The following CARMIL1 variants were observed in gnomAD, a reference collection of about 807,000 sequenced individuals.
The protein encoded by CARMIL1 is F-actin-uncapping protein LRRC16A.
CARMIL1 carries 90 observed loss-of-function variants against 177.1 expected under a neutral mutation model. The ratio of observed to expected loss-of-function variants is 0.51; its 90% CI spans 0.43 to 0.61. CARMIL1 has a LOEUF of 0.61. Ranked by LOEUF, CARMIL1 falls within the 20% of genes least tolerant of loss-of-function variation. The pLI is 0.00. For missense variants in CARMIL1, 1,380 were observed against 1,667.0 expected (o/e 0.83, Z 3.00); for synonymous variants, 577 against 606.2 (o/e 0.95, Z 0.71).
chr6:25,458,681 G>A (rs1799747241), intron 8 of CARMIL1, among the ~76,000 whole-genome samples: 1 of 152,020 alleles, frequency 6.6e-6, no homozygotes, highest in African/African-American at 2.4e-5. Flanking sequence ...TTGGTGAGAT[G>A]ACAGCACAGT....
chr6:25,463,541 A>G (rs1174718240), intron 8 of CARMIL1, among the ~76,000 whole-genome samples: 1 of 152,254 alleles, frequency 6.6e-6, no homozygotes, highest in Non-Finnish European at 1.5e-5. Flanking sequence ...AGAATACACA[A>G]AAAGTGGTTC....
At chr6:25,612,987 C>G (rs1816621840) in intron 36 of CARMIL1, 1 of 729,772 alleles carries the variant, frequency 1.4e-6, no homozygotes, top group Admixed American at 6.3e-5. Context: ...GGGACTGGGT[C>G]AGGGATTAGT....
rs535572187 is a variant in CARMIL1 at position 25,342,672 on chromosome 6, A to G, written c.138+57763A>G. Among the ~76,000 whole-genome samples the G allele has an allele frequency of 9.2e-5, 14 of 152,204 alleles. No homozygotes were observed. In the East Asian group the frequency reaches 1.2e-3, roughly 13 times the overall value. On this transcript the variant is annotated intron_variant, in intron 2 of 36. Transcript: ENST00000329474. ...CTAGCACCTCCCAACTCATGACCAA[A>G]AAGTTTCATTTTCATCTTATTTTTC...
chr6:25,461,877 T>C (rs868123594), intron 8 of CARMIL1, among the ~76,000 whole-genome samples: 62 of 152,192 alleles, frequency 4.1e-4, no homozygotes, highest in African/African-American at 1.3e-3. Flanking sequence ...TTCTCTTTTT[T>C]AAACCGTGCA....
chr6:25,604,968 A>T (rs1815806741), intron 34 of CARMIL1, 75 bp downstream of exon 34: 1 of 1,255,130 alleles, frequency 8.0e-7, no homozygotes, highest in Non-Finnish European at 1.1e-6. Flanking sequence ...TGATTGACAG[A>T]AGAAAAATTT....
chr6:25,405,789 A>G (rs1038115638), intron 2 of CARMIL1, among the ~76,000 whole-genome samples: 12 of 152,306 alleles, frequency 7.9e-5, no homozygotes, highest in Middle Eastern at 3.4e-3. Context: ...ACAGATTTTT[A>G]GGTACTTCCC....
At chr6:25,575,983 G>A (rs910581501) in intron 29 of CARMIL1, among the ~76,000 whole-genome samples, 4 of 152,092 alleles carry the variant, frequency 2.6e-5, no homozygotes, top group Admixed American at 6.5e-5. Context: ...AGCCCCAGGT[G>A]GAAGGAGTAG....
intron 2 of CARMIL1, among the ~76,000 whole-genome samples, chr6:25,381,167 T>G (rs1791488620): frequency 1.3e-5 from 2 of 152,210 alleles, no homozygotes; most frequent in Admixed American, 1.3e-4. Context: ...GTTCTGCCTA[T>G]CAAATTATAA....
At chr6:25,306,354 G>T (rs1456577534) in intron 2 of CARMIL1, among the ~76,000 whole-genome samples, 1 of 152,128 alleles carries the variant, frequency 6.6e-6, no homozygotes, top group African/African-American at 2.4e-5. Context: ...TGTCAGATCA[G>T]CGGTGGCATT....
Position 25,554,554 on chromosome 6 carries a change from A to G in CARMIL1, c.2592+458A>G, listed in dbSNP as rs1810433180. Among the ~76,000 whole-genome samples the G allele has an allele frequency of 6.6e-6, 1 of 152,198 alleles. No individual in the cohort carries two copies. Among genetic ancestry groups the G allele is most frequent in the Non-Finnish European group, 1.5e-5 (1 of 68,028 alleles). ...GTAATGGATAGCTGCTGACTGCCCC[A>G]CAGGTGCCTTGGATATAACCAAGGT... On this transcript the variant is annotated intron_variant, in intron 28 of 36. Transcript: ENST00000329474. The surrounding 1 kb of genome is among the most constrained non-coding windows in gnomAD (Gnocchi z 4.6).
intron 11 of CARMIL1, among the ~76,000 whole-genome samples, chr6:25,476,092 T>G (rs1026222995): frequency 1.3e-5 from 2 of 152,268 alleles, no homozygotes; most frequent in South Asian, 2.1e-4. Flanking sequence ...GATTTGATTT[T>G]ATTCAATCTT....
intron 2 of CARMIL1, among the ~76,000 whole-genome samples, chr6:25,367,761 G>A (rs777998536): frequency 3.9e-5 from 6 of 152,248 alleles, no homozygotes; most frequent in South Asian, 4.2e-4. Flanking sequence ...GCTGCATTCA[G>A]ACTCTCCCCC....
At chr6:25,555,565 A>G (rs1195101766) in intron 28 of CARMIL1, among the ~76,000 whole-genome samples, 6 of 151,802 alleles carry the variant, frequency 4.0e-5, no homozygotes, top group Admixed American at 3.9e-4. Flanking sequence ...ACACCTGGCT[A>G]ATTTTTGTAT....
chr6:25,540,622 G>A (rs1808807351), intron 26 of CARMIL1, among the ~76,000 whole-genome samples: 1 of 152,054 alleles, frequency 6.6e-6, no homozygotes, highest in Admixed American at 6.6e-5. Flanking sequence ...AAACTTTTGG[G>A]GAATAGAGTA....
At chr6:25,392,567 C>T (rs1408376298) in intron 2 of CARMIL1, among the ~76,000 whole-genome samples, 1 of 152,142 alleles carries the variant, frequency 6.6e-6, no homozygotes, top group Non-Finnish European at 1.5e-5. Flanking sequence ...GCTCAGCACC[C>T]TGCTTGCTTC....
chr6:25,569,655 A>G (rs1225593623), intron 29 of CARMIL1, among the ~76,000 whole-genome samples: 1 of 152,196 alleles, frequency 6.6e-6, no homozygotes, highest in Non-Finnish European at 1.5e-5. Context: ...TCATCATTAT[A>G]AAGCTGATAT....
At chr6:25,593,651 T>C (rs1814537815) in intron 31 of CARMIL1, among the ~76,000 whole-genome samples, 2 of 152,200 alleles carry the variant, frequency 1.3e-5, no homozygotes, top group African/African-American at 4.8e-5. Flanking sequence ...TTCTGCTTTG[T>C]TATTGTCAAC....
intron 11 of CARMIL1, among the ~76,000 whole-genome samples, chr6:25,480,729 CTT>C (rs1309021528): frequency 1.7e-4 from 19 of 112,742 alleles, no homozygotes; most frequent in African/African-American, 5.7e-4. Context: ...TATTTGTTTC[CTT>C]TTTTTTTTTT....
At chr6:25,384,783 A>G (rs1209153606) in intron 2 of CARMIL1, among the ~76,000 whole-genome samples, 1 of 152,220 alleles carries the variant, frequency 6.6e-6, no homozygotes, top group Admixed American at 6.5e-5. Flanking sequence ...CTTGATGACT[A>G]TAAATTCTAT....
Sources: gnomAD v4.1 joint callset for allele counts (sites outside exome capture counted in the v4.1 genomes callset) on GRCh38, gnomAD v4.1.1 for gene constraint, Gnocchi (gnomAD v3.1) non-coding constraint, MANE v1.5 for transcripts, NCBI Gene and HGNC (gene_info 2026-07-23, HGNC 2026-07-21) for gene names.